The following TRAPPC9 variants were observed in gnomAD, a reference collection of about 807,000 sequenced individuals.
TRAPPC9 encodes the protein IKK2 binding protein.
Under a neutral mutation model 124.0 loss-of-function variants are expected in TRAPPC9, and 83 were observed. The observed-to-expected ratio is 0.67, with a 90% CI of 0.56 to 0.80. The LOEUF is 0.80. Ranked by LOEUF, TRAPPC9 falls within the 30% of genes least tolerant of loss-of-function variation. The probability of loss-of-function intolerance (pLI) is 0.00; values close to 1 mark genes in which losing one functional copy is unlikely to be tolerated. For synonymous variants in TRAPPC9, 638 were observed against 617.5 expected (o/e 1.03, Z -0.49); for missense variants, 1,302 against 1,508.3 (o/e 0.86, Z 2.27).
At chr8:139,954,986 T>C (rs1282217350) in intron 19 of TRAPPC9, among the ~76,000 whole-genome samples, 2 of 152,266 alleles carry the variant, frequency 1.3e-5, no homozygotes, top group East Asian at 1.9e-4. Flanking sequence ...CAATTTGGCA[T>C]GTATATAATT....
chr8:140,315,290 T>A (rs1023201336), intron 9 of TRAPPC9, among the ~76,000 whole-genome samples: 1 of 147,792 alleles, frequency 6.8e-6, no homozygotes, highest in Non-Finnish European at 1.5e-5. Context: ...TTTTGAGAGA[T>A]AAAATAAGTT....
chr8:140,067,906 C>T (rs370527663), intron 17 of TRAPPC9, among the ~76,000 whole-genome samples: 40 of 152,310 alleles, frequency 2.6e-4, no homozygotes, highest in African/African-American at 9.6e-4. Context: ...CTGAGGCACG[C>T]ATCATGTCAC....
Position 139,988,830 on chromosome 8 carries a change from C to T in TRAPPC9, c.2706G>A (p.Arg902=), listed in dbSNP as rs1200723902. Residue 902 remains arginine, a synonymous_variant, in exon 19 of 23, where the codon CGG becomes CGA. Transcript: ENST00000438773. ...AGACATCCAGGAGCAGGTGACACTGCCGGGTACTGCGTTAAAGAAAAAAGA... is the reference window on the plus strand; with the variant it reads ...AGACATCCAGGAGCAGGTGACACTGTCGGGTACTGCGTTAAAGAAAAAAGA... ...RVSTLPATST[R]QCHLLLDVFN... 3 of 1,548,154 alleles carry T rather than the reference C, an allele frequency of 1.9e-6. No homozygotes were observed. The highest frequency in any genetic ancestry group is 1.7e-4 in the Middle Eastern group (1 of 5,998).
At chr8:139,747,996 T>C (rs2035091) in intron 21 of TRAPPC9, among the ~76,000 whole-genome samples, 92 of 28,764 alleles carry the variant, frequency 3.2e-3, no homozygotes, top group Middle Eastern at 0.028. Flanking sequence ...GCAGGGGGTA[T>C]ACACAGCAAG....
At chr8:139,952,303 TTTATTA>T (rs1019018418) in intron 19 of TRAPPC9, among the ~76,000 whole-genome samples, 2 of 152,126 alleles carry the variant, frequency 1.3e-5, no homozygotes, top group Non-Finnish European at 2.9e-5. Flanking sequence ...AGGAAATCAT[TTTATTA>T]TTATTATTGT....
Position 139,988,743 on chromosome 8 carries a change from G to A in TRAPPC9, c.2793C>T (p.His931=), listed in dbSNP as rs886062722. 26 of 1,550,320 alleles carry A rather than the reference G, an allele frequency of 1.7e-5. No homozygotes were observed. Among genetic ancestry groups the A allele is most frequent in the African/African-American group, 4.1e-5 (3 of 73,034 alleles). ...ACACTTACCGCTGGCACTCACCGGC[G>A]TGCAGGATGAGTGCCTCGCTGCTCC... ...STRSSEALIL[H]AGECQRMAIQ... The change falls in exon 19 of 23, where the codon CAC becomes CAT. Residue 931 remains histidine (H), a synonymous_variant. Transcript: ENST00000438773.
At chr8:140,435,383 T>A in intron 3 of TRAPPC9, 143 bp from the exon 4 acceptor site, 1 of 1,221,060 alleles carries the variant, frequency 8.2e-7, no homozygotes, top group Non-Finnish European at 1.2e-6. Flanking sequence ...GAAATGCCAA[T>A]TTTTCTCCCA....
At chr8:140,122,806 G>GCTCA (rs1315438397) in intron 17 of TRAPPC9, among the ~76,000 whole-genome samples, 1 of 152,140 alleles carries the variant, frequency 6.6e-6, no homozygotes, top group East Asian at 1.9e-4. Context: ...CAGCCATGAG[G>GCTCA]CTCAGGAAGC....
At chr8:139,991,889 C>T (rs1232205745) in intron 18 of TRAPPC9, among the ~76,000 whole-genome samples, 1 of 152,070 alleles carries the variant, frequency 6.6e-6, no homozygotes, top group East Asian at 1.9e-4. Context: ...TTTATTCAGC[C>T]CCAAATTGGA....
intron 6 of TRAPPC9, among the ~76,000 whole-genome samples, chr8:140,404,040 T>C (rs1484238737): frequency 6.6e-6 from 1 of 152,094 alleles, no homozygotes; most frequent in Non-Finnish European, 1.5e-5. Context: ...AAAAGATGTA[T>C]GCATAGGGGC....
chr8:139,926,038 C>T lies in TRAPPC9; in HGVS notation c.2811-15738G>A, dbSNP rs568184690. Among the ~76,000 whole-genome samples, 245 of 152,344 alleles carry T rather than the reference C, an allele frequency of 1.6e-3. 1 individual carries two copies. The highest frequency in any genetic ancestry group is 5.7e-3 in the African/African-American group (236 of 41,578). ...GCCAACTGTTAGCATCTCTTCTCCA[C>T]TCTTCATCCAGTGACGTCACGTGGA... On this transcript the variant is annotated intron_variant, in intron 19 of 22. Coordinates refer to ENST00000438773, the MANE Select transcript of TRAPPC9 (RefSeq NM_001160372.4).
rs114565287 is a variant in TRAPPC9 at position 140,225,065 on chromosome 8, G to A, written c.2432-3482C>T. Reference sequence around the variant, plus strand: ...TGTGAGGTTATACAGAAGAATAAACGAATTATTGCATAGGAAGGATTTATC... The same window carrying A: ...TGTGAGGTTATACAGAAGAATAAACAAATTATTGCATAGGAAGGATTTATC... On this transcript the variant is annotated intron_variant, in intron 16 of 22. Transcript: ENST00000438773. 2.8e-3 allele frequency among the ~76,000 whole-genome samples: 421 copies of A among 152,300 alleles called. 3 individuals carry two copies. Among genetic ancestry groups the A allele is most frequent in the African/African-American group, 9.5e-3 (393 of 41,558 alleles).
At chr8:140,051,639 A>C (rs527456594) in intron 17 of TRAPPC9, among the ~76,000 whole-genome samples, 1 of 144,850 alleles carries the variant, frequency 6.9e-6, no homozygotes, top group South Asian at 2.2e-4. Context: ...TACAAAGCAC[A>C]TTCTTAGGAA....
At chr8:139,771,212 A>C (rs966948537) in intron 21 of TRAPPC9, among the ~76,000 whole-genome samples, 1 of 152,116 alleles carries the variant, frequency 6.6e-6, no homozygotes, top group African/African-American at 2.4e-5. Flanking sequence ...TAGGGCCCCA[A>C]ACTCATCTCT....
chr8:140,053,139 G>A (rs1418095337), intron 17 of TRAPPC9, among the ~76,000 whole-genome samples: 2 of 152,200 alleles, frequency 1.3e-5, no homozygotes, highest in Non-Finnish European at 1.5e-5. Flanking sequence ...AATCATTGAA[G>A]GTAAGAATCA....
intron 21 of TRAPPC9, among the ~76,000 whole-genome samples, chr8:139,815,787 G>A (rs887661210): frequency 2.6e-5 from 4 of 152,232 alleles, no homozygotes; most frequent in Non-Finnish European, 4.4e-5. Flanking sequence ...GGTGAGCAGT[G>A]GCTCCGGGGA....
chr8:140,148,122 G>A (rs746408552), intron 17 of TRAPPC9, among the ~76,000 whole-genome samples: 1 of 152,236 alleles, frequency 6.6e-6, no homozygotes, highest in Non-Finnish European at 1.5e-5. Context: ...AGCCCCCACC[G>A]AGTAGGACAT....
At chr8:139,877,395 C>T (rs1055455663) in intron 21 of TRAPPC9, among the ~76,000 whole-genome samples, 60 of 152,292 alleles carry the variant, frequency 3.9e-4, no homozygotes, top group African/African-American at 1.3e-3. Context: ...AAAGGTCCAG[C>T]CCTACCTCCT....
rs748180096 is a variant in TRAPPC9 at position 140,450,927 on chromosome 8, C to T, written c.447G>A (p.Glu149=). 2 of 1,614,154 alleles carry T rather than the reference C, an allele frequency of 1.2e-6. No individual in the cohort carries two copies. The highest frequency in any genetic ancestry group is 2.2e-5 in the South Asian group (2 of 91,078). Residue 149 remains glutamate, a synonymous_variant, in exon 2 of 23, where the codon GAG becomes GAA. Transcript: ENST00000438773. The part of the protein sequence containing the change: ...EDCQTVEKRI[E]DFIESLFIVL... ...CGATGAACAGTGACTCGATGAAGTC[C>T]TCGATTCTCTTCTCCACCGTCTGGC...
Sources: allele counts gnomAD v4.1 joint callset (sites outside exome capture counted in the v4.1 genomes callset), GRCh38; gene constraint gnomAD v4.1.1; transcripts MANE v1.5; gene names NCBI Gene and HGNC (gene_info 2026-07-23, HGNC 2026-07-21).